The following TAFA5 variants were observed in gnomAD, a reference collection of about 807,000 sequenced individuals.
TAFA5 encodes the protein chemokine-like protein TAFA-5.
Under a neutral mutation model 15.3 loss-of-function variants are expected in TAFA5, and 6 were observed. The observed-to-expected ratio is 0.39, with a 90% CI of 0.21 to 0.77. The LOEUF (loss-of-function observed/expected upper bound fraction) is 0.77. Among genes scored for constraint, TAFA5 ranks in the 30% least tolerant of loss-of-function variants. The pLI is 0.41. For missense variants in TAFA5, 161 were observed against 193.1 expected (o/e 0.83, Z 0.98); for synonymous variants, 103 against 80.7 (o/e 1.28, Z -1.48).
At chr22:48,748,589 G>C (rs182409833) in intron 3 of TAFA5, among the ~76,000 whole-genome samples, 623 of 152,336 alleles carry the variant, frequency 4.1e-3, no homozygotes, top group Non-Finnish European at 6.5e-3. Context: ...TCACCCCTGA[G>C]CCTCAGGTCC....
chr22:48,628,818 A>G (rs1437461879), intron 1 of TAFA5, among the ~76,000 whole-genome samples: 3 of 152,220 alleles, frequency 2.0e-5, no homozygotes, highest in Non-Finnish European at 2.9e-5. Context: ...AGTATCAGAC[A>G]CATCGGCGTG....
intron 1 of TAFA5, among the ~76,000 whole-genome samples, chr22:48,581,956 G>A (rs1017295530): frequency 6.6e-6 from 1 of 152,114 alleles, no homozygotes; most frequent in Non-Finnish European, 1.5e-5. Flanking sequence ...AACATGGAGC[G>A]AAGCACGCAG....
rs1923407802 is a variant in TAFA5 at position 48,566,336 on chromosome 22, A to G, written c.112+76632A>G. ...AGATGGATGGATGGACGATGGGTGG[A>G]TGATGAATGGATGGTGATGGGTGGA... is the stretch of plus-strand genomic sequence containing the variant. On this transcript the variant is annotated intron_variant, in intron 1 of 3. Coordinates refer to ENST00000402357, the MANE Select transcript of TAFA5 (RefSeq NM_001082967.3). This position sits in a 1 kb window ranked among gnomAD's most constrained non-coding sequence, Gnocchi z 4.5. Among the ~76,000 whole-genome samples, 3 of 151,066 alleles carry G rather than the reference A, an allele frequency of 2.0e-5. No individual in the cohort carries two copies. Among genetic ancestry groups the G allele is most frequent in the Admixed American group, 2.0e-4 (3 of 15,184 alleles).
At chr22:48,500,818 G>C (rs1920947708) in intron 1 of TAFA5, among the ~76,000 whole-genome samples, 1 of 152,246 alleles carries the variant, frequency 6.6e-6, no homozygotes, top group South Asian at 2.1e-4. Context: ...GGGGACTCAG[G>C]AGGTGGGGAT....
intron 2 of TAFA5, among the ~76,000 whole-genome samples, chr22:48,650,846 G>A (rs541946612): frequency 4.2e-4 from 64 of 152,246 alleles, no homozygotes; most frequent in Non-Finnish European, 8.5e-4. Flanking sequence ...ACCCAGGTGC[G>A]TGATGCCCTG....
intron 2 of TAFA5, among the ~76,000 whole-genome samples, chr22:48,651,481 G>C (rs1927051446): frequency 6.6e-6 from 1 of 152,156 alleles, no homozygotes; most frequent in African/African-American, 2.4e-5. Context: ...AGCCACCTGG[G>C]TCCTGGGCTG....
At chr22:48,642,467 T>G (rs1332581321) in intron 1 of TAFA5, among the ~76,000 whole-genome samples, 1 of 152,016 alleles carries the variant, frequency 6.6e-6, no homozygotes, top group East Asian at 1.9e-4. Context: ...ATGAGGCGAT[T>G]TTGGAGCTCG....
intron 2 of TAFA5, among the ~76,000 whole-genome samples, chr22:48,704,531 T>G (rs754647565): frequency 5.3e-5 from 8 of 152,110 alleles, no homozygotes; most frequent in Non-Finnish European, 1.0e-4. Context: ...TCGGGGTTGG[T>G]GGACGTGCAG....
chr22:48,660,208 G>C (rs1035876334), intron 2 of TAFA5, among the ~76,000 whole-genome samples: 6 of 152,170 alleles, frequency 3.9e-5, no homozygotes, highest in African/African-American at 1.4e-4. Flanking sequence ...TGCCCTCACT[G>C]TCCCATCTCC....
intron 1 of TAFA5, among the ~76,000 whole-genome samples, chr22:48,508,257 G>T (rs529729386): frequency 5.9e-5 from 9 of 152,318 alleles, no homozygotes; most frequent in African/African-American, 1.2e-4. Flanking sequence ...CAGGAGACAG[G>T]CTGGGAGAGG....
At chr22:48,705,567 A>G (rs5771978) in intron 2 of TAFA5, among the ~76,000 whole-genome samples, 97,680 of 152,166 alleles carry the variant, frequency 0.64, 32,095 homozygotes, top group African/African-American at 0.77. Context: ...CTCCTATAGG[A>G]ACAGCCACTG....
At chr22:48,576,008 C>T (rs1268608686) in intron 1 of TAFA5, among the ~76,000 whole-genome samples, 1 of 119,708 alleles carries the variant, frequency 8.4e-6, no homozygotes, top group Non-Finnish European at 1.7e-5. Flanking sequence ...TGGGGGCCGA[C>T]AGGCGGAGGA....
chr22:48,605,219 G>A (rs867379350), intron 1 of TAFA5, among the ~76,000 whole-genome samples: 99 of 133,062 alleles, frequency 7.4e-4, no homozygotes, highest in Admixed American at 1.2e-3. Flanking sequence ...GGTGATGGTG[G>A]TGATGGTGAT....
intron 1 of TAFA5, among the ~76,000 whole-genome samples, chr22:48,615,323 C>T (rs978208207): frequency 7.2e-5 from 11 of 152,200 alleles, no homozygotes; most frequent in African/African-American, 2.2e-4. Flanking sequence ...CGGCTCGGTC[C>T]GACGAGCTTG....
intron 1 of TAFA5, among the ~76,000 whole-genome samples, chr22:48,616,980 C>T (rs117022827): frequency 0.014 from 2,166 of 152,102 alleles, 25 homozygotes; most frequent in South Asian, 0.053. Context: ...CATTGTTGGG[C>T]GAGAAACAAA....
At chr22:48,666,627 C>T (rs889661163) in intron 2 of TAFA5, among the ~76,000 whole-genome samples, 3 of 70,040 alleles carry the variant, frequency 4.3e-5, no homozygotes, top group African/African-American at 1.8e-4. Context: ...CTGCCATTCC[C>T]TCTTGGTGTG....
In TAFA5 at chr22:48,530,602, G is replaced by T. The variant is rs912717144; in HGVS notation, c.112+40898G>T. Reference sequence around the variant, plus strand: ...GCTAGAGGGTGGGCAAGAAACCAGCGCTCCCCTGGCTCCCTCCCTTCCCAT... The same window carrying T: ...GCTAGAGGGTGGGCAAGAAACCAGCTCTCCCCTGGCTCCCTCCCTTCCCAT... On this transcript the variant is annotated intron_variant, in intron 1 of 3. Coordinates refer to ENST00000402357, the MANE Select transcript of TAFA5 (RefSeq NM_001082967.3). This position sits in a 1 kb window ranked among gnomAD's most constrained non-coding sequence, Gnocchi z 6.0. Among the ~76,000 whole-genome samples, 1 of 152,082 alleles carries T rather than the reference G, an allele frequency of 6.6e-6. No homozygotes were observed. Among genetic ancestry groups the T allele is most frequent in the South Asian group, 2.1e-4 (1 of 4,824 alleles).
chr22:48,708,351 T>G (rs1308561546), intron 3 of TAFA5, among the ~76,000 whole-genome samples: 1 of 152,118 alleles, frequency 6.6e-6, no homozygotes, highest in African/African-American at 2.4e-5. Context: ...CGGAGGGCCC[T>G]TCAGCTCCTC....
At chr22:48,541,077 T>G (rs2147118998) in intron 1 of TAFA5, among the ~76,000 whole-genome samples, 1 of 151,686 alleles carries the variant, frequency 6.6e-6, no homozygotes, top group African/African-American at 2.4e-5. Flanking sequence ...GGGCTGGGAG[T>G]GAAGCCCCAG....
Sources: gnomAD v4.1 joint callset for allele counts (sites outside exome capture counted in the v4.1 genomes callset) on GRCh38, gnomAD v4.1.1 for gene constraint, Gnocchi (gnomAD v3.1) non-coding constraint, MANE v1.5 for transcripts, NCBI Gene and HGNC (gene_info 2026-07-23, HGNC 2026-07-21) for gene names.